Variants in XYLB observed in about 807,000 individuals in gnomAD.
XYLB encodes the protein xylulokinase.
In XYLB, 62 loss-of-function variants were observed where a neutral mutation model predicts 78.7. That is an observed-to-expected ratio of 0.79 (90% CI 0.64 to 0.97). The LOEUF (loss-of-function observed/expected upper bound fraction) is 0.97. Ranked by LOEUF, XYLB falls within the 50% of genes least tolerant of loss-of-function variation. The pLI is 0.00. For synonymous variants in XYLB, 245 were observed against 247.4 expected, an observed-to-expected ratio of 0.99 and a Z score of 0.09; for missense variants, 687 against 676.8, an observed-to-expected ratio of 1.02 and a Z score of -0.17.
intron 15 of XYLB, among the ~76,000 whole-genome samples, chr3:38,392,122 C>T (rs1707683045): frequency 6.6e-6 from 1 of 152,078 alleles, no homozygotes; most frequent in Non-Finnish European, 1.5e-5. Flanking sequence ...GGTCTTGAGA[C>T]CCCTGCTGTC....
At chr3:38,402,411 C>G (rs1341475229) in intron 18 of XYLB, among the ~76,000 whole-genome samples, 1 of 152,162 alleles carries the variant, frequency 6.6e-6, no homozygotes, top group East Asian at 1.9e-4. Context: ...TGTCTCCCAG[C>G]ATATCTTGGA....
downstream of XYLB, among the ~76,000 whole-genome samples, chr3:38,419,973 C>A (rs1201255912): frequency 6.6e-6 from 1 of 152,004 alleles, no homozygotes; most frequent in Non-Finnish European, 1.5e-5. Context: ...GCACCCCCAA[C>A]CATGCCCAGC....
At chr3:38,410,295 A>G (rs953435935) in intron 18 of XYLB, among the ~76,000 whole-genome samples, 3 of 152,264 alleles carry the variant, frequency 2.0e-5, no homozygotes, top group African/African-American at 4.8e-5. Context: ...AGGATTCCCT[A>G]TTTAATAAAT....
At chr3:38,401,563 C>T (rs779534349) in intron 18 of XYLB, among the ~76,000 whole-genome samples, 17 of 152,128 alleles carry the variant, frequency 1.1e-4, no homozygotes, top group Non-Finnish European at 4.4e-5. Flanking sequence ...ATTTCTGGAG[C>T]CTAAGCTATT....
intron 15 of XYLB, among the ~76,000 whole-genome samples, chr3:38,385,990 C>T (rs772769883): frequency 3.3e-5 from 5 of 152,146 alleles, no homozygotes; most frequent in African/African-American, 4.8e-5. Context: ...TCAATACACA[C>T]GTTACCTTTC....
downstream of XYLB, among the ~76,000 whole-genome samples, chr3:38,423,878 T>C (rs922605036): frequency 1.3e-5 from 2 of 152,192 alleles, no homozygotes; most frequent in African/African-American, 4.8e-5. Flanking sequence ...TTACTCCTAC[T>C]TGGGGACCTT....
At chr3:38,417,101 T>G (rs141972225), downstream of XYLB, among the ~76,000 whole-genome samples, 1 of 152,316 alleles carries the variant, frequency 6.6e-6, no homozygotes, top group African/African-American at 2.4e-5. Context: ...ATAAAGTAGA[T>G]CTAATGAATA....
Position 38,375,267 on chromosome 3 carries a change from T to C in XYLB, c.1004+8T>C, listed in dbSNP as rs748095042. 6.2e-7 allele frequency: 1 copy of C among 1,613,340 alleles called. No homozygotes were observed. The highest frequency in any genetic ancestry group is 1.1e-5 in the South Asian group (1 of 91,036). On this transcript the variant is annotated splice_region_variant and intron_variant, in intron 12 of 18. Transcript: ENST00000207870. ...CTACATGGCACTCCTGTGGTGAGCT[T>C]GGGTGTTGGTTGGCACCATTCCCTG...
intron 7 of XYLB, among the ~76,000 whole-genome samples, 168 bp downstream of exon 7, chr3:38,367,041 AG>A (rs1281178808): frequency 1.3e-5 from 2 of 152,088 alleles, no homozygotes; most frequent in Admixed American, 1.3e-4. Context: ...TCCAAAGAGG[AG>A]GGGAAGAATG....
At chr3:38,438,923 C>T in the XYLB span, among the ~76,000 whole-genome samples, 5 of 152,134 alleles carry the variant, frequency 3.3e-5, no homozygotes, top group Non-Finnish European at 5.9e-5. Context: ...CTGATTGGTG[C>T]GTTTTTACAG....
chr3:38,365,052 G>T, intron 4 of XYLB, 147 bp from the exon 5 acceptor site: 2 of 645,302 alleles, frequency 3.1e-6, no homozygotes, highest in Non-Finnish European at 5.4e-6. Flanking sequence ...CAAGTCCCAG[G>T]AGGGTGATGA....
At chr3:38,383,158 A>G (rs1171907199) in intron 15 of XYLB, among the ~76,000 whole-genome samples, 3 of 152,252 alleles carry the variant, frequency 2.0e-5, no homozygotes, top group African/African-American at 7.2e-5. Flanking sequence ...ATCTTTATTA[A>G]CAACAGTACC....
intron 12 of XYLB, 26 bp downstream of exon 12, chr3:38,375,285 A>G: frequency 6.2e-7 from 1 of 1,602,904 alleles, no homozygotes; most frequent in Non-Finnish European, 8.5e-7. Flanking sequence ...GGTTGGCACC[A>G]TTCCCTGGGT....
At chr3:38,445,142 G>T in the XYLB span, among the ~76,000 whole-genome samples, 2 of 152,144 alleles carry the variant, frequency 1.3e-5, no homozygotes, top group Non-Finnish European at 2.9e-5. Flanking sequence ...GGAGTGGAGG[G>T]CCATACCCTG....
chr3:38,374,964 C>A (rs1706770753), intron 11 of XYLB, among the ~76,000 whole-genome samples, 180 bp from the exon 12 acceptor site: 1 of 152,198 alleles, frequency 6.6e-6, no homozygotes. Flanking sequence ...GGGGAGCTAA[C>A]TCCTGGCTCA....
At chr3:38,354,624 T>C (rs1485964549) in intron 2 of XYLB, among the ~76,000 whole-genome samples, 2 of 152,040 alleles carry the variant, frequency 1.3e-5, no homozygotes, top group Non-Finnish European at 1.5e-5. Flanking sequence ...TGTCTCAGCC[T>C]CCCAAGTAGC....
At chr3:38,347,292 A>G (rs1317403944) in intron 1 of XYLB, among the ~76,000 whole-genome samples, 1 of 152,226 alleles carries the variant, frequency 6.6e-6, no homozygotes, top group Non-Finnish European at 1.5e-5. Context: ...GAAGTCAGCT[A>G]CTGTAAGGCA....
chr3:38,425,955 C>G (rs1709091711), downstream of XYLB, among the ~76,000 whole-genome samples: 1 of 152,110 alleles, frequency 6.6e-6, no homozygotes, highest in Non-Finnish European at 1.5e-5. Flanking sequence ...CGGTAAGAAC[C>G]CAAGAAGGAG....
intron 2 of XYLB, chr3:38,355,698 C>A (rs1322063840): frequency 5.7e-6 from 4 of 703,116 alleles, no homozygotes; most frequent in Middle Eastern, 2.3e-4. Context: ...TCAAAACCTC[C>A]TTCTCTGACT....
Sources: gnomAD v4.1 joint callset for allele counts (sites outside exome capture counted in the v4.1 genomes callset) on GRCh38, gnomAD v4.1.1 for gene constraint, MANE v1.5 for transcripts, NCBI Gene and HGNC (gene_info 2026-07-23, HGNC 2026-07-21) for gene names.